Variants in CPT1A observed in about 807,000 individuals in gnomAD.
The protein encoded by CPT1A is carnitine O-palmitoyltransferase 1, liver isoform.
Under a neutral mutation model 100.8 loss-of-function variants are expected in CPT1A, and 64 were observed. The observed-to-expected ratio is 0.63, with a 90% confidence interval of 0.52 to 0.78. CPT1A has a LOEUF of 0.78. Ranked by LOEUF, CPT1A falls within the 30% of genes least tolerant of loss-of-function variation. The probability of loss-of-function intolerance (pLI) is 0.00; values close to 1 mark genes in which losing one functional copy is unlikely to be tolerated. For synonymous variants in CPT1A, 363 were observed against 396.0 expected, an observed-to-expected ratio of 0.92 and a Z score of 0.99; for missense variants, 802 against 1,034.1, an observed-to-expected ratio of 0.78 and a Z score of 3.08.
At chr11:68,822,479 G>T (rs1331720394) in intron 1 of CPT1A, among the ~76,000 whole-genome samples, 2 of 151,982 alleles carry the variant, frequency 1.3e-5, no homozygotes, top group Non-Finnish European at 2.9e-5. Flanking sequence ...GCTGCAATGA[G>T]CTGTGATTGC....
rs1324065193 is a variant in CPT1A at position 68,809,093 on chromosome 11, C to CA, written c.282-1456dup. On this transcript the variant is annotated intron_variant, in intron 3 of 18. Coordinates refer to ENST00000265641, the MANE Select transcript of CPT1A (RefSeq NM_001876.4). ...TAAGTGGACAAAAACAAATTATCTTCAAGGTTATATACTCTTTGCTCCAAA... is the reference window on the plus strand; with the variant it reads ...TAAGTGGACAAAAACAAATTATCTTCAAAGGTTATATACTCTTTGCTCCAAA... Among the ~76,000 whole-genome samples the CA allele has an allele frequency of 5.3e-5, 8 of 152,164 alleles. No individual in the cohort carries two copies. In the East Asian group the frequency reaches 1.5e-3, roughly 29 times the overall value.
At chr11:68,828,341 TC>T (rs1856787199) in intron 1 of CPT1A, among the ~76,000 whole-genome samples, 1 of 152,218 alleles carries the variant, frequency 6.6e-6, no homozygotes, top group Non-Finnish European at 1.5e-5. Flanking sequence ...CAGCCTGTGT[TC>T]CTTCCGCTTC....
chr11:68,757,534 G>A lies in CPT1A; in HGVS notation c.*110C>T. 27 of 1,565,618 alleles carry A rather than the reference G, an allele frequency of 1.7e-5. No individual in the cohort carries two copies. The highest frequency in any genetic ancestry group is 2.3e-5 in the Non-Finnish European group (27 of 1,157,742). The stretch of plus-strand genomic sequence containing the variant: ...CCACATTTTCTGGAAGGAAAACTGA[G>A]TTTTTTTAAGAGCAGTGTTTCATCC... On this transcript the variant is annotated 3_prime_UTR_variant, in exon 19 of 19. Transcript: ENST00000265641.
intron 15 of CPT1A, 133 bp from the exon 16 acceptor site, chr11:68,761,820 A>G: frequency 1.8e-6 from 2 of 1,117,646 alleles, no homozygotes; most frequent in East Asian, 2.4e-5. Context: ...CATGTTGCCC[A>G]GGGTGGTTTC....
intron 1 of CPT1A, among the ~76,000 whole-genome samples, chr11:68,819,848 G>A (rs895127331): frequency 6.6e-6 from 1 of 152,122 alleles, no homozygotes; most frequent in Non-Finnish European, 1.5e-5. Flanking sequence ...CTCCCTCTTT[G>A]AGCCATGAGC....
intron 16 of CPT1A, among the ~76,000 whole-genome samples, chr11:68,760,964 T>C (rs1458590065): frequency 2.0e-5 from 3 of 151,762 alleles, no homozygotes; most frequent in Non-Finnish European, 4.4e-5. Flanking sequence ...GAGGTTTCAG[T>C]GAGCCAAGAT....
intron 14 of CPT1A, among the ~76,000 whole-genome samples, chr11:68,763,313 C>G (rs1255923481): frequency 6.6e-6 from 1 of 152,080 alleles, no homozygotes; most frequent in Non-Finnish European, 1.5e-5. Flanking sequence ...GACACCCCCC[C>G]CACCCCCGAG....
chr11:68,809,218 C>G (rs1359567321), intron 3 of CPT1A, among the ~76,000 whole-genome samples: 1 of 152,034 alleles, frequency 6.6e-6, no homozygotes, highest in African/African-American at 2.4e-5. Context: ...AACCTATAAA[C>G]AAACTTGGGT....
At chr11:68,784,675 C>A (rs752005159) in intron 10 of CPT1A, 140 bp downstream of exon 10, 11 of 799,762 alleles carry the variant, frequency 1.4e-5, no homozygotes, top group Admixed American at 2.5e-5. Flanking sequence ...CCTGCCAAGC[C>A]GGGAGACCCC....
At chr11:68,819,400 C>T (rs1856519217) in intron 1 of CPT1A, among the ~76,000 whole-genome samples, 1 of 152,156 alleles carries the variant, frequency 6.6e-6, no homozygotes, top group Admixed American at 6.6e-5. Flanking sequence ...CTCTTAGCCC[C>T]CTTCCCCATC....
At chr11:68,838,261 C>A (rs996119059) in intron 1 of CPT1A, among the ~76,000 whole-genome samples, 1 of 151,800 alleles carries the variant, frequency 6.6e-6, no homozygotes, top group Non-Finnish European at 1.5e-5. Flanking sequence ...GAAGAACAAT[C>A]CTCACCAAAA....
chr11:68,841,796 G>C lies in CPT1A; in HGVS notation c.-35C>G. 1.0e-6 allele frequency: 1 copy of C among 993,208 alleles called. No homozygotes were observed. The allele number at this position is 993,208 out of a possible 1,614,324, so 61.5% of individuals were successfully genotyped here. On this transcript the variant is annotated 5_prime_UTR_variant, in exon 1 of 19. Transcript: ENST00000265641. The surrounding 1 kb of genome is among the most constrained non-coding windows in gnomAD (Gnocchi z 6.3). ...TCACCGAGTCAGCTACGGAGGTGCG[G>C]CAGCGGCAGCGGCAGCGGCGGCGGC...
At chr11:68,777,786 T>C (rs1415394551) in intron 12 of CPT1A, among the ~76,000 whole-genome samples, 1 of 152,244 alleles carries the variant, frequency 6.6e-6, no homozygotes, top group Non-Finnish European at 1.5e-5. Context: ...ACTCTTTTTC[T>C]TTTGCCAAAC....
At chr11:68,764,215 G>A (rs1854720530) in intron 14 of CPT1A, among the ~76,000 whole-genome samples, 1 of 152,194 alleles carries the variant, frequency 6.6e-6, no homozygotes. Context: ...CCCAAGAAGG[G>A]GCCCGGGGCC....
chr11:68,838,577 A>AAAAAAAAAAAAAAAAAC (rs1566394852), intron 1 of CPT1A, among the ~76,000 whole-genome samples: 1 of 143,942 alleles, frequency 6.9e-6, no homozygotes, highest in African/African-American at 2.6e-5. Context: ...CTTTTTAAAA[A>AAAAAAAAAAAAAAAAAC]AAAAAAAAAA....
chr11:68,826,707 C>T (rs1856741908), intron 1 of CPT1A, among the ~76,000 whole-genome samples: 1 of 149,032 alleles, frequency 6.7e-6, no homozygotes, highest in Admixed American at 6.8e-5. Flanking sequence ...TACTGCACTA[C>T]TGGGTGAGAG....
At chr11:68,762,555 AGTGAT>A (rs1295176825) in intron 15 of CPT1A, 67 bp downstream of exon 15, 1 of 1,584,430 alleles carries the variant, frequency 6.3e-7, no homozygotes, top group Non-Finnish European at 8.6e-7. Flanking sequence ...GAGAAGCTGG[AGTGAT>A]GGCCTCCAGA....
At chr11:68,799,457 A>G in intron 5 of CPT1A, 102 bp from the exon 6 acceptor site, 1 of 1,350,268 alleles carries the variant, frequency 7.4e-7, no homozygotes, top group Non-Finnish European at 1.0e-6. Context: ...AACACATTGA[A>G]AAGGTTTTAG....
Position 68,780,699 on chromosome 11 carries a change from T to C in CPT1A, c.1399A>G (p.Met467Val). Residue 467 changes from methionine to valine, a missense_variant, in exon 12 of 19, where the codon ATG becomes GTG. By Grantham distance (21) the Met-to-Val change is conservative. Transcript: ENST00000265641. ...CAGGAGTGTTCAGCGTTGAGGCCCA[T>C]CTTCCCGTTTTTGAAGACAACAAAC... ...FTFVVFKNGK[M>V]GLNAEHSWAD... The C allele has an allele frequency of 6.2e-7, 1 of 1,614,248 alleles. No homozygotes were observed. The highest frequency in any genetic ancestry group is 8.5e-7 in the Non-Finnish European group (1 of 1,180,046).
Sources: gnomAD v4.1 joint callset for allele counts (sites outside exome capture counted in the v4.1 genomes callset) on GRCh38, gnomAD v4.1.1 for gene constraint, Gnocchi (gnomAD v3.1) non-coding constraint, MANE v1.5 for transcripts, NCBI Gene and HGNC (gene_info 2026-07-23, HGNC 2026-07-21) for gene names.